The following DOK5 variants were observed in gnomAD, a reference collection of about 807,000 sequenced individuals.
DOK5 encodes the protein downstream of tyrosine kinase 5.
DOK5 carries 27 observed loss-of-function variants against 43.3 expected under a neutral mutation model. That is an observed-to-expected ratio of 0.62 (90% CI 0.46 to 0.86). The LOEUF (loss-of-function observed/expected upper bound fraction) is 0.86. DOK5 is among the 40% of genes least tolerant of loss of function. DOK5 has a pLI of 0.00. For synonymous variants in DOK5, 146 were observed against 140.1 expected, an observed-to-expected ratio of 1.04 and a Z score of -0.30; for missense variants, 373 against 392.9, an observed-to-expected ratio of 0.95 and a Z score of 0.43.
At chr20:54,628,774 C>T in intron 6 of DOK5, among the ~76,000 whole-genome samples, 1 of 152,150 alleles carries the variant, frequency 6.6e-6, no homozygotes, top group East Asian at 1.9e-4. Flanking sequence ...TGCCCCTCAC[C>T]AAACCATACA....
rs932540013 is a variant in DOK5 at position 54,488,301 on chromosome 20, T to C, written c.66+12289T>C. ...GTCCTCTTGGAGAAGTCTTCACTGG[T>C]TTGAATCCATCTTCTCCATTAACTG... On this transcript the variant is annotated intron_variant, in intron 1 of 7. Coordinates refer to ENST00000262593, the MANE Select transcript of DOK5 (RefSeq NM_018431.5). 4.6e-5 allele frequency among the ~76,000 whole-genome samples: 7 copies of C among 152,328 alleles called. No homozygotes were observed. In the South Asian group the frequency reaches 1.5e-3, roughly 32 times the overall value.
At chr20:54,624,465 T>A (rs1987077959) in intron 6 of DOK5, among the ~76,000 whole-genome samples, 1 of 152,036 alleles carries the variant, frequency 6.6e-6, no homozygotes, top group South Asian at 2.1e-4. Flanking sequence ...GGCTTAAAGG[T>A]TTGTTGAATG....
chr20:54,486,096 C>G, intron 1 of DOK5, among the ~76,000 whole-genome samples: 1 of 152,070 alleles, frequency 6.6e-6, no homozygotes, highest in Non-Finnish European at 1.5e-5. Context: ...GAAGATGTTT[C>G]AATTTTTTTT....
At chr20:54,580,926 G>T (rs191279482) in intron 2 of DOK5, among the ~76,000 whole-genome samples, 7 of 151,926 alleles carry the variant, frequency 4.6e-5, no homozygotes, top group Non-Finnish European at 7.4e-5. Context: ...TGTGTTTTTG[G>T]TCTCATATCC....
intron 7 of DOK5, among the ~76,000 whole-genome samples, chr20:54,646,873 T>G (rs1273325667): frequency 1.3e-5 from 2 of 148,668 alleles, no homozygotes; most frequent in African/African-American, 5.1e-5. Flanking sequence ...CCAATTCACC[T>G]ACATTGATGA....
intron 2 of DOK5, among the ~76,000 whole-genome samples, chr20:54,560,610 CA>C (rs1984867304): frequency 6.6e-6 from 1 of 152,106 alleles, no homozygotes; most frequent in Admixed American, 6.5e-5. Context: ...CTTTCCTACC[CA>C]AGCTTGGTTT....
intron 1 of DOK5, among the ~76,000 whole-genome samples, chr20:54,485,489 T>C (rs544283501): frequency 6.6e-6 from 1 of 152,350 alleles, no homozygotes; most frequent in South Asian, 2.1e-4. Flanking sequence ...TTCTTTTTTC[T>C]TGCTGAGTAG....
chr20:54,613,516 C>G (rs1458991363), intron 6 of DOK5, among the ~76,000 whole-genome samples: 2 of 152,158 alleles, frequency 1.3e-5, no homozygotes, highest in African/African-American at 4.8e-5. Flanking sequence ...CTGTTTCTCA[C>G]TTTTGAGTGG....
intron 1 of DOK5, among the ~76,000 whole-genome samples, chr20:54,510,118 A>G (rs1982965666): frequency 6.6e-6 from 1 of 152,204 alleles, no homozygotes; most frequent in Non-Finnish European, 1.5e-5. Context: ...AAAAATAAGA[A>G]TTAAAAAAAT....
At chr20:54,638,470 C>T (rs938806599) in intron 6 of DOK5, among the ~76,000 whole-genome samples, 3 of 152,094 alleles carry the variant, frequency 2.0e-5, no homozygotes, top group African/African-American at 7.2e-5. Context: ...AGATCAGAGC[C>T]CCCCAATCTA....
chr20:54,542,103 C>CACAG (rs150890729), intron 1 of DOK5, among the ~76,000 whole-genome samples: 7,023 of 138,128 alleles, frequency 0.051, 524 homozygotes, highest in African/African-American at 0.18. Context: ...ATAAGATACA[C>CACAG]ACACACACAC....
At chr20:54,561,337 A>G (rs1984896941) in intron 2 of DOK5, among the ~76,000 whole-genome samples, 1 of 152,172 alleles carries the variant, frequency 6.6e-6, no homozygotes, top group African/African-American at 2.4e-5. Flanking sequence ...AGACAAGGCA[A>G]CCCATAGTAA....
intron 2 of DOK5, among the ~76,000 whole-genome samples, chr20:54,561,855 C>T (rs955481511): frequency 6.6e-6 from 1 of 152,166 alleles, no homozygotes; most frequent in East Asian, 1.9e-4. Context: ...GGGGGTTTCT[C>T]CTTGTGGGTC....
At chr20:54,646,708 C>T (rs1239812589) in intron 7 of DOK5, among the ~76,000 whole-genome samples, 1 of 152,144 alleles carries the variant, frequency 6.6e-6, no homozygotes, top group Non-Finnish European at 1.5e-5. Flanking sequence ...TACTACCTAC[C>T]TTCCCTCTCC....
At chr20:54,538,673 G>A (rs909982649) in intron 1 of DOK5, among the ~76,000 whole-genome samples, 10 of 152,118 alleles carry the variant, frequency 6.6e-5, no homozygotes, top group Non-Finnish European at 1.5e-4. Context: ...AAATATTTAG[G>A]ACAATGATAA....
chr20:54,594,185 C>G (rs1986065606), intron 5 of DOK5, among the ~76,000 whole-genome samples: 1 of 152,030 alleles, frequency 6.6e-6, no homozygotes, highest in African/African-American at 2.4e-5. Context: ...AATAAGAATA[C>G]CTATTCATCA....
chr20:54,555,991 A>G (rs1984697667), intron 2 of DOK5, among the ~76,000 whole-genome samples: 1 of 152,228 alleles, frequency 6.6e-6, no homozygotes, highest in Non-Finnish European at 1.5e-5. Flanking sequence ...TCGACACCTT[A>G]TAAAGGGTCT....
chr20:54,640,077 C>T (rs1453664667), intron 6 of DOK5, among the ~76,000 whole-genome samples: 1 of 152,030 alleles, frequency 6.6e-6, no homozygotes, highest in Non-Finnish European at 1.5e-5. Flanking sequence ...GAGACAGGGA[C>T]CATTTAGACA....
chr20:54,636,770 T>C (rs182398928), intron 6 of DOK5, among the ~76,000 whole-genome samples: 112 of 152,322 alleles, frequency 7.4e-4, no homozygotes, highest in African/African-American at 2.6e-3. Flanking sequence ...ATGATCTCCA[T>C]GAATTGATTT....
Sources: gnomAD v4.1 joint callset for allele counts (sites outside exome capture counted in the v4.1 genomes callset) on GRCh38, gnomAD v4.1.1 for gene constraint, MANE v1.5 for transcripts, NCBI Gene and HGNC (gene_info 2026-07-23, HGNC 2026-07-21) for gene names.